UPP2: variants seen among roughly 807,000 people sequenced by gnomAD.
The protein encoded by UPP2 is uridine phosphorylase 2, also known as UPase 2.
In UPP2, 23 loss-of-function variants were observed where a neutral mutation model predicts 26.7. The observed-to-expected ratio is 0.86, with a 90% CI of 0.62 to 1.22. UPP2 has a LOEUF of 1.22. Among genes scored for constraint, UPP2 ranks in the 50% most tolerant of loss-of-function variants. UPP2 has a pLI of 0.00. For missense variants in UPP2, 387 were observed against 396.7 expected, an observed-to-expected ratio of 0.98 and a Z score of 0.21; for synonymous variants, 127 against 141.3, an observed-to-expected ratio of 0.90 and a Z score of 0.72.
intron 3 of UPP2, among the ~76,000 whole-genome samples, chr2:158,092,007 T>C (rs1302412415): frequency 1.3e-5 from 2 of 152,008 alleles, no homozygotes; most frequent in African/African-American, 2.4e-5. Flanking sequence ...TAACCACAGA[T>C]AGGTTAAGAG....
At chr2:158,117,488 C>T (rs906002810) in intron 3 of UPP2, among the ~76,000 whole-genome samples, 1 of 151,948 alleles carries the variant, frequency 6.6e-6, no homozygotes, top group Non-Finnish European at 1.5e-5. Context: ...TTTTCAAAGG[C>T]TCATCATGAA....
intron 2 of UPP2, among the ~76,000 whole-genome samples, chr2:158,114,279 C>T (rs1683377297): frequency 6.6e-6 from 1 of 152,190 alleles, no homozygotes; most frequent in Non-Finnish European, 1.5e-5. Context: ...GAGTCTGCTA[C>T]TGCTCACCCT....
chr2:158,030,192 C>A (rs189498478), intron 3 of UPP2, among the ~76,000 whole-genome samples: 55 of 152,144 alleles, frequency 3.6e-4, no homozygotes, highest in African/African-American at 1.3e-3. Flanking sequence ...AAAGAGACAA[C>A]GAACATGGAA....
chr2:158,047,357 G>A (rs1053765542), intron 3 of UPP2, among the ~76,000 whole-genome samples: 7 of 152,194 alleles, frequency 4.6e-5, no homozygotes, highest in Admixed American at 6.5e-5. Flanking sequence ...ATGCCCCCAG[G>A]GGTGTTGGGA....
At chr2:158,044,206 C>T (rs1684119527) in intron 3 of UPP2, among the ~76,000 whole-genome samples, 1 of 152,200 alleles carries the variant, frequency 6.6e-6, no homozygotes, top group Non-Finnish European at 1.5e-5. Context: ...CATTGAGGAA[C>T]TGCAGAAAAT....
At chr2:158,111,219 T>C (rs1011935500) in intron 2 of UPP2, among the ~76,000 whole-genome samples, 1 of 152,336 alleles carries the variant, frequency 6.6e-6, no homozygotes. Flanking sequence ...CAAACTATGC[T>C]TGTGAGTTTA....
At chr2:158,081,953 A>ATTT (rs201070868) in intron 3 of UPP2, among the ~76,000 whole-genome samples, 1,578 of 144,960 alleles carry the variant, frequency 0.011, 34 homozygotes, top group African/African-American at 0.037. Context: ...TACATGAATA[A>ATTT]TTTTTTTTTT....
intron 2 of UPP2, among the ~76,000 whole-genome samples, chr2:158,002,353 G>A (rs964397218): frequency 2.6e-5 from 4 of 152,214 alleles, no homozygotes; most frequent in Admixed American, 1.3e-4. Flanking sequence ...TTTTGCTGTG[G>A]AAGATGAACC....
At chr2:158,004,033 C>T (rs1683449651) in intron 2 of UPP2, among the ~76,000 whole-genome samples, 1 of 152,114 alleles carries the variant, frequency 6.6e-6, no homozygotes. Context: ...ATAATTCATG[C>T]AGTGGATATA....
intron 4 of UPP2, among the ~76,000 whole-genome samples, chr2:158,121,103 GT>G (rs1347442288): frequency 6.6e-6 from 1 of 151,966 alleles, no homozygotes; most frequent in Admixed American, 6.6e-5. Context: ...GGCTTATTTA[GT>G]TTTTTCCTGA....
At chr2:158,109,808 T>C (rs550867061) in intron 2 of UPP2, among the ~76,000 whole-genome samples, 1 of 152,300 alleles carries the variant, frequency 6.6e-6, no homozygotes, top group East Asian at 1.9e-4. Flanking sequence ...CGGTGGAAGA[T>C]CCTTAGAAGT....
intron 3 of UPP2, among the ~76,000 whole-genome samples, chr2:158,088,639 G>T (rs894152519): frequency 6.6e-6 from 1 of 152,112 alleles, no homozygotes; most frequent in African/African-American, 2.4e-5. Flanking sequence ...TGGGCTCAAG[G>T]GCTGCTGTTC....
intron 2 of UPP2, chr2:157,995,284 C>A: frequency 6.2e-7 from 1 of 1,611,418 alleles, no homozygotes. Context: ...AGGAGAAATA[C>A]ATTCATGTCT....
intron 3 of UPP2, among the ~76,000 whole-genome samples, 158 bp from the exon 4 acceptor site, chr2:158,117,666 C>G (rs906680962): frequency 4.6e-5 from 7 of 151,916 alleles, no homozygotes; most frequent in African/African-American, 1.7e-4. Flanking sequence ...CATGTAGGTG[C>G]CAATTAGGGA....
At chr2:158,102,234 G>T in intron 1 of UPP2, 109 bp downstream of exon 1, 1 of 1,185,546 alleles carries the variant, frequency 8.4e-7, no homozygotes, top group Non-Finnish European at 1.2e-6. Context: ...TTTCTTAAAT[G>T]TAGAGATTAT....
intron 2 of UPP2, among the ~76,000 whole-genome samples, chr2:158,107,326 C>G (rs1247358135): frequency 6.6e-6 from 1 of 152,222 alleles, no homozygotes; most frequent in Non-Finnish European, 1.5e-5. Context: ...TCACTAACAT[C>G]TGCAGATTTA....
chr2:158,030,828 A>G (rs1683910239), intron 3 of UPP2, among the ~76,000 whole-genome samples: 2 of 152,206 alleles, frequency 1.3e-5, no homozygotes, highest in Non-Finnish European at 2.9e-5. Context: ...TATTAAGGTG[A>G]CCTGAGGCAC....
At chr2:158,089,514 G>A (rs1013509925) in intron 3 of UPP2, among the ~76,000 whole-genome samples, 11 of 152,186 alleles carry the variant, frequency 7.2e-5, no homozygotes, top group African/African-American at 2.2e-4. Context: ...CCCAACTTCT[G>A]TCCAGGAAAC....
intron 3 of UPP2, chr2:158,065,914 T>G: frequency 3.5e-6 from 2 of 577,230 alleles, no homozygotes; most frequent in South Asian, 3.3e-5. Flanking sequence ...GAAGGCAAAA[T>G]GAAAGATGAT....
Sources: allele counts gnomAD v4.1 joint callset (sites outside exome capture counted in the v4.1 genomes callset), GRCh38; gene constraint gnomAD v4.1.1; transcripts MANE v1.5; gene names NCBI Gene and HGNC (gene_info 2026-07-23, HGNC 2026-07-21).